ANKRD36: variants seen among roughly 807,000 people sequenced by gnomAD.
ANKRD36 encodes the protein ankyrin repeat domain 36.
A neutral mutation model predicts 278.1 loss-of-function variants in ANKRD36; 179 were observed. The observed-to-expected ratio is 0.64, with a 90% CI of 0.57 to 0.73. The LOEUF is 0.73. ANKRD36 is among the 30% of genes least tolerant of loss of function. The pLI is 0.00. For synonymous variants in ANKRD36, 320 were observed against 641.1 expected, an observed-to-expected ratio of 0.50 and a Z score of 7.57; for missense variants, 1,159 against 1,956.7, an observed-to-expected ratio of 0.59 and a Z score of 7.69.
At chr2:97,202,683 A>G (rs1210358958) in intron 48 of ANKRD36, among the ~76,000 whole-genome samples, 5 of 151,844 alleles carry the variant, frequency 3.3e-5, no homozygotes, top group Non-Finnish European at 7.4e-5. Context: ...TTAATCCTCC[A>G]GCTTGTTTTC....
chr2:97,158,875 A>T (rs2048176680), intron 17 of ANKRD36, among the ~76,000 whole-genome samples: 1 of 152,200 alleles, frequency 6.6e-6, no homozygotes, highest in East Asian at 1.9e-4. Flanking sequence ...ATAATAGAAA[A>T]GAAGTGTGAC....
chr2:97,178,843 T>G (rs542075268), intron 22 of ANKRD36, among the ~76,000 whole-genome samples: 1 of 151,500 alleles, frequency 6.6e-6, no homozygotes, highest in African/African-American at 2.4e-5. Flanking sequence ...AAAAGCAACT[T>G]AATAAAAATT....
rs576252499 is a variant in ANKRD36 at position 97,199,477 on chromosome 2, C to A, written c.2755+819C>A. ...TTAGAGAATAACACGATACTCCCAA[C>A]AAGACTATTTTAGACACAAGAATGA... is the stretch of plus-strand genomic sequence containing the variant. On this transcript the variant is annotated intron_variant, in intron 44 of 75. Coordinates refer to ENST00000420699, the MANE Select transcript of ANKRD36 (RefSeq NM_001354587.1). Among the ~76,000 whole-genome samples the A allele has an allele frequency of 1.2e-4, 18 of 152,018 alleles. 1 individual carries two copies. In the South Asian group the frequency reaches 2.7e-3, roughly 23 times the overall value.
chr2:97,143,054 A>G (rs1042100790), intron 8 of ANKRD36, among the ~76,000 whole-genome samples: 3 of 152,018 alleles, frequency 2.0e-5, no homozygotes, highest in Non-Finnish European at 4.4e-5. Context: ...GAAATTGGCA[A>G]GAATGATTGG....
At chr2:97,130,162 A>C (rs143107134) in intron 6 of ANKRD36, among the ~76,000 whole-genome samples, 3,575 of 151,882 alleles carry the variant, frequency 0.024, 133 homozygotes, top group African/African-American at 0.081. Flanking sequence ...AGTGGTTTGT[A>C]GCTATTCACA....
chr2:97,230,371 G>A (rs927513555), intron 67 of ANKRD36, among the ~76,000 whole-genome samples: 20 of 152,022 alleles, frequency 1.3e-4, no homozygotes, highest in Non-Finnish European at 2.2e-4. Context: ...TTCCCTTCTC[G>A]TTTCATTTCA....
At chr2:97,203,555 A>T (rs577705690) in intron 48 of ANKRD36, among the ~76,000 whole-genome samples, 2 of 151,964 alleles carry the variant, frequency 1.3e-5, no homozygotes, top group African/African-American at 2.4e-5. Context: ...TGAATGTAGG[A>T]CACTTCCACT....
chr2:97,166,993 T>G lies in ANKRD36; in HGVS notation c.1532-584T>G, dbSNP rs2050918190. On this transcript the variant is annotated intron_variant, in intron 20 of 75. Coordinates refer to ENST00000420699, the MANE Select transcript of ANKRD36 (RefSeq NM_001354587.1). Reference sequence around the variant, plus strand: ...TTTTGATTAACATGAAAAAAGCCTCTGATGTTTCAAATATTTTGGTTAGAT... The same window carrying G: ...TTTTGATTAACATGAAAAAAGCCTCGGATGTTTCAAATATTTTGGTTAGAT... 3.3e-5 allele frequency among the ~76,000 whole-genome samples: 5 copies of G among 151,464 alleles called. No homozygotes were observed. The South Asian group carries it at 1.0e-3, about 32-fold the overall frequency.
chr2:97,177,272 A>G (rs1226118424), intron 22 of ANKRD36, among the ~76,000 whole-genome samples: 1 of 151,938 alleles, frequency 6.6e-6, no homozygotes, highest in South Asian at 2.1e-4. Flanking sequence ...TTACAGATTC[A>G]ATGCCATCCC....
At chr2:97,210,196 A>G (rs2064035901) in intron 56 of ANKRD36, among the ~76,000 whole-genome samples, 1 of 151,834 alleles carries the variant, frequency 6.6e-6, no homozygotes, top group African/African-American at 2.4e-5. Flanking sequence ...GGATAAAGAG[A>G]GGAAGTATAG....
intron 3 of ANKRD36, chr2:97,118,743 A>C: frequency 3.6e-6 from 1 of 274,950 alleles, no homozygotes; most frequent in Non-Finnish European, 6.3e-6. Context: ...AACTATAAAA[A>C]CAAATGAATT....
intron 6 of ANKRD36, among the ~76,000 whole-genome samples, chr2:97,134,971 G>A (rs2041117980): frequency 1.3e-5 from 2 of 152,064 alleles, no homozygotes; most frequent in African/African-American, 4.8e-5. Flanking sequence ...TAGGGTGAAT[G>A]AATAGCTAGA....
rs1215167766 is a variant in ANKRD36, at chr2:97,183,621, A to T, written c.1906A>T (p.Thr636Ser). The change falls in exon 28 of 76, where the codon ACA (threonine) becomes TCA (serine). Residue 636 changes from threonine to serine, a missense_variant. Thr to Ser is a moderately conservative substitution (Grantham distance 58). Coordinates refer to ENST00000420699, the MANE Select transcript of ANKRD36 (RefSeq NM_001354587.1). ...GAAAGTTTCTCTTTTGAATATTGCC[A>T]CAAGAATAATGGGTGGTGGGAAATC... ...KKKVSLLNIA[T>S]RIMGGGKSGT... The T allele has an allele frequency of 4.5e-6, 7 of 1,572,126 alleles. No homozygotes were observed. Among genetic ancestry groups the T allele is most frequent in the Non-Finnish European group, 6.0e-6 (7 of 1,158,784 alleles).
chr2:97,229,665 A>T (rs2071207827), intron 67 of ANKRD36, among the ~76,000 whole-genome samples: 2 of 152,024 alleles, frequency 1.3e-5, no homozygotes, highest in African/African-American at 4.8e-5. Context: ...TATGTCTGAA[A>T]TTGATCCTGG....
At chr2:97,131,321 G>T (rs201873713) in intron 6 of ANKRD36, among the ~76,000 whole-genome samples, 36 of 151,750 alleles carry the variant, frequency 2.4e-4, no homozygotes, top group Non-Finnish European at 4.3e-4. Flanking sequence ...TCCTAAGTCG[G>T]TGAGACTGCT....
intron 67 of ANKRD36, among the ~76,000 whole-genome samples, chr2:97,225,789 C>A (rs1263504311): frequency 6.7e-6 from 1 of 148,852 alleles, no homozygotes; most frequent in East Asian, 2.1e-4. Flanking sequence ...CCCAACCCCA[C>A]AACAGTCCCC....
At chr2:97,152,045 T>G (rs1389573542) in intron 13 of ANKRD36, 106 bp downstream of exon 13, 1 of 940,120 alleles carries the variant, frequency 1.1e-6, no homozygotes, top group Non-Finnish European at 1.6e-6. Context: ...CAGGCTGGAG[T>G]GCAGTGGTGC....
rs56835800 is a variant in ANKRD36 at position 97,198,597 on chromosome 2, C to T, written c.2694C>T (p.Ala898=). ...CAAATTCCATTCAGGCTTCAAGTGC[C>T]GAGAAAGATTCTGTTTTGAATATAG... ...EKPPGLKASS[A]EKDSVLNIAR... Residue 898 remains alanine, a synonymous_variant, in exon 44 of 76, where the codon GCC becomes GCT. Transcript: ENST00000420699. The T allele has an allele frequency of 0.71, 1,089,370 of 1,536,096 alleles. 408,435 individuals carry two copies. The highest frequency in any genetic ancestry group is 0.79 in the Non-Finnish European group (896,217 of 1,139,040).
intron 15 of ANKRD36, among the ~76,000 whole-genome samples, chr2:97,156,324 C>G (rs1318692615): frequency 2.1e-5 from 3 of 145,388 alleles, no homozygotes; most frequent in African/African-American, 7.3e-5. Flanking sequence ...CACCCACTAA[C>G]TCGTCATCTA....
Sources: gnomAD v4.1 joint callset for allele counts (sites outside exome capture counted in the v4.1 genomes callset) on GRCh38, gnomAD v4.1.1 for gene constraint, MANE v1.5 for transcripts, NCBI Gene and HGNC (gene_info 2026-07-23, HGNC 2026-07-21) for gene names.